KANSL1: variants seen among roughly 807,000 people sequenced by gnomAD.
The protein encoded by KANSL1 is KAT8 regulatory NSL complex subunit 1.
A neutral mutation model predicts 103.6 loss-of-function variants in KANSL1; 22 were observed. The ratio of observed to expected loss-of-function variants is 0.21; its 90% CI spans 0.15 to 0.30. The LOEUF is 0.30. KANSL1 is among the 10% of genes least tolerant of loss of function. KANSL1 has a pLI of 1.00. For synonymous variants in KANSL1, 600 were observed against 527.6 expected, an observed-to-expected ratio of 1.14 and a Z score of -1.88; for missense variants, 1,337 against 1,399.8, an observed-to-expected ratio of 0.96 and a Z score of 0.72.
At position 46,067,465 on chromosome 17, in the gene KANSL1, T is replaced by A. The variant is rs1446227935; in HGVS notation, c.1652+84A>T. 4.9e-6 allele frequency: 4 copies of A among 817,792 alleles called. No homozygotes were observed. In the African/African-American group the frequency reaches 6.9e-5, roughly 14 times the overall value. 50.7% of individuals were successfully genotyped at this position (817,792 alleles called of 1,614,324 possible). A position where few individuals can be genotyped will look rare whatever the true frequency, so the allele number is the denominator to read the frequency against. ...AGGCTTCCGCTTCTTTAAACCAGGG[T>A]CAGTCCTGGCTAAAGAGAACTAAGA... is the stretch of plus-strand genomic sequence containing the variant. On this transcript the variant is annotated intron_variant, in intron 5 of 14. Transcript: ENST00000432791.
Position 46,171,644 on chromosome 17 carries a change from T to G in KANSL1, c.500A>C (p.His167Pro), listed in dbSNP as rs779594202. ...GGAAGTGGAATTGTCATGATCAGAA[T>G]GTGTTGAACTTTTAGTCAATTTCTT... The part of the protein sequence containing the change: ...LAKKLTKSST[H>P]SDHDNSTSLN... The change falls in exon 2 of 15, where the codon CAT becomes CCT. Residue 167 changes from histidine to proline, a missense_variant. Around this residue, in one of 2 missense-constraint regions of KANSL1, gnomAD observed 557 missense variants for 476.4 expected, o/e 1.17. Coordinates refer to ENST00000432791, the MANE Select transcript of KANSL1 (RefSeq NM_015443.4). 1 of 1,557,192 alleles carries G rather than the reference T, an allele frequency of 6.4e-7. No homozygotes were observed. The highest frequency in any genetic ancestry group is 2.1e-5 in the Admixed American group (1 of 48,630).
intron 1 of KANSL1, among the ~76,000 whole-genome samples, chr17:46,205,118 A>G (rs930486917): frequency 3.9e-5 from 6 of 152,202 alleles, no homozygotes; most frequent in African/African-American, 1.4e-4. Context: ...GCCAGGGCAA[A>G]TAGGCAAGAA....
At chr17:46,112,106 C>T (rs1018838525) in intron 2 of KANSL1, among the ~76,000 whole-genome samples, 2 of 152,102 alleles carry the variant, frequency 1.3e-5, no homozygotes, top group Non-Finnish European at 1.5e-5. Flanking sequence ...GTGGCTCACA[C>T]CTATAATCCC....
chr17:46,058,416 G>T (rs554779706), intron 6 of KANSL1, among the ~76,000 whole-genome samples: 1 of 152,260 alleles, frequency 6.6e-6, no homozygotes, highest in South Asian at 2.1e-4. Context: ...CCTAACAAAT[G>T]ACAAGGAATT....
At chr17:46,049,061 T>C (rs2077613233) in intron 7 of KANSL1, among the ~76,000 whole-genome samples, 1 of 152,070 alleles carries the variant, frequency 6.6e-6, no homozygotes, top group Admixed American at 6.6e-5. Flanking sequence ...GTTTGGTAGA[T>C]CTGTTGCAGT....
intron 4 of KANSL1, among the ~76,000 whole-genome samples, chr17:46,077,343 G>C (rs2078815272): frequency 6.6e-6 from 1 of 152,108 alleles, no homozygotes. Flanking sequence ...ATGAGCCACT[G>C]TGCCCAGCTT....
At chr17:46,152,951 G>A (rs1390050432) in intron 2 of KANSL1, 2 of 152,118 alleles carry the variant, frequency 1.3e-5, no homozygotes, top group Non-Finnish European at 2.9e-5. Flanking sequence ...CTTTATTCTT[G>A]GCTGTATGGA....
Position 46,058,916 on chromosome 17 carries a change from G to C in KANSL1, c.1848+7621C>G, listed in dbSNP as rs562350226. Among the ~76,000 whole-genome samples the C allele has an allele frequency of 3.3e-5, 5 of 152,190 alleles. No individual in the cohort carries two copies. The East Asian group carries it at 7.7e-4, about 24-fold the overall frequency. On this transcript the variant is annotated intron_variant, in intron 6 of 14. Transcript: ENST00000432791. ...AAAACACAAAAATTAGCTAGGCATG[G>C]TGGCACGTGTCTGTAATCTCAGCTA...
intron 14 of KANSL1, 163 bp downstream of exon 14, chr17:46,031,884 G>T: frequency 1.8e-6 from 2 of 1,114,254 alleles, no homozygotes; most frequent in Non-Finnish European, 2.6e-6. Flanking sequence ...ATTTAGCAGT[G>T]ATCAATACAG....
chr17:46,187,403 A>T (rs983077591), intron 1 of KANSL1, among the ~76,000 whole-genome samples: 5 of 152,252 alleles, frequency 3.3e-5, no homozygotes, highest in African/African-American at 1.2e-4. Context: ...TGTAATTAAA[A>T]TTCAGAGTAA....
intron 2 of KANSL1, among the ~76,000 whole-genome samples, chr17:46,161,595 G>A (rs933647554): frequency 2.0e-5 from 3 of 152,182 alleles, no homozygotes; most frequent in Non-Finnish European, 2.9e-5. Flanking sequence ...GAAACAAACC[G>A]GAAATAGCAA....
At chr17:46,096,628 C>CTT (rs544432917) in intron 2 of KANSL1, among the ~76,000 whole-genome samples, 4 of 147,088 alleles carry the variant, frequency 2.7e-5, no homozygotes. Context: ...CCCTGACTAA[C>CTT]TTTTTTTTGA....
At chr17:46,074,627 C>T (rs957174562) in intron 4 of KANSL1, among the ~76,000 whole-genome samples, 1 of 151,938 alleles carries the variant, frequency 6.6e-6, no homozygotes, top group African/African-American at 2.4e-5. Flanking sequence ...ATGTGCCAGG[C>T]ATGGTGGCAC....
intron 2 of KANSL1, among the ~76,000 whole-genome samples, chr17:46,159,139 C>T (rs918967029): frequency 6.6e-6 from 1 of 152,196 alleles, no homozygotes; most frequent in Non-Finnish European, 1.5e-5. Flanking sequence ...GCAATGCAGG[C>T]TACATGGAGG....
At chr17:46,101,940 A>G (rs2042340467) in intron 2 of KANSL1, among the ~76,000 whole-genome samples, 1 of 152,202 alleles carries the variant, frequency 6.6e-6, no homozygotes, top group East Asian at 1.9e-4. Context: ...GAGTTTCTTG[A>G]GCTTTGAACT....
intron 2 of KANSL1, among the ~76,000 whole-genome samples, chr17:46,159,894 T>A (rs1006178536): frequency 6.6e-6 from 1 of 152,218 alleles, no homozygotes; most frequent in African/African-American, 2.4e-5. Flanking sequence ...CCACCATCCC[T>A]CCTGGTCAAT....
At chr17:46,209,892 GGA>G (rs2048101900) in intron 1 of KANSL1, among the ~76,000 whole-genome samples, 1 of 152,322 alleles carries the variant, frequency 6.6e-6, no homozygotes, top group African/African-American at 2.4e-5. Context: ...CTAAATGCCA[GGA>G]GGATAGAATC....
chr17:46,113,388 T>G (rs1439637921), intron 2 of KANSL1, among the ~76,000 whole-genome samples: 4 of 152,232 alleles, frequency 2.6e-5, no homozygotes, highest in African/African-American at 9.6e-5. Context: ...AGGGAGAAGT[T>G]TAAGCCATGA....
At chr17:46,149,600 T>C (rs998403994) in intron 2 of KANSL1, among the ~76,000 whole-genome samples, 4 of 152,290 alleles carry the variant, frequency 2.6e-5, no homozygotes, top group Non-Finnish European at 4.4e-5. Context: ...TTACAAAAAC[T>C]TGCCTTAGAC....
Sources: allele counts gnomAD v4.1 joint callset (sites outside exome capture counted in the v4.1 genomes callset), GRCh38; gene constraint gnomAD v4.1.1; regional missense constraint gnomAD v4.1.1; transcripts MANE v1.5; gene names NCBI Gene and HGNC (gene_info 2026-07-23, HGNC 2026-07-21).